NCOR2: variants seen among roughly 807,000 people sequenced by gnomAD.
NCOR2 encodes the protein nuclear receptor corepressor 2, also known as CTG repeat protein 26.
A neutral mutation model predicts 262.9 loss-of-function variants in NCOR2; 81 were observed. The ratio of observed to expected loss-of-function variants is 0.31; its 90% CI spans 0.26 to 0.37. NCOR2 has a LOEUF of 0.37. Among genes scored for constraint, NCOR2 ranks in the 10% least tolerant of loss-of-function variants. NCOR2 has a pLI of 1.00. For synonymous variants in NCOR2, 1,659 were observed against 1,559.3 expected (o/e 1.06, Z -1.51); for missense variants, 3,385 against 3,621.4 (o/e 0.93, Z 1.68).
At chr12:124,364,510 CCA>C (rs2038864756) in intron 20 of NCOR2, among the ~76,000 whole-genome samples, 1 of 152,212 alleles carries the variant, frequency 6.6e-6, no homozygotes, top group African/African-American at 2.4e-5. Flanking sequence ...TACTCATTAG[CCA>C]CAGTCGCAGT....
chr12:124,558,196 G>A (rs2051946467), intron 1 of NCOR2, among the ~76,000 whole-genome samples: 1 of 152,126 alleles, frequency 6.6e-6, no homozygotes, highest in Non-Finnish European at 1.5e-5. Flanking sequence ...CTGGGCCTCT[G>A]GGACTAACGA....
At chr12:124,364,534 T>C (rs539505866) in intron 20 of NCOR2, among the ~76,000 whole-genome samples, 1 of 152,364 alleles carries the variant, frequency 6.6e-6, no homozygotes, top group East Asian at 1.9e-4. Context: ...CCTTCCTCTG[T>C]CTGCTACTGA....
chr12:124,423,654 A>G (rs569256746), intron 11 of NCOR2, among the ~76,000 whole-genome samples: 3 of 152,200 alleles, frequency 2.0e-5, no homozygotes, highest in South Asian at 4.2e-4. Flanking sequence ...TCCTTGTCCC[A>G]GTGACATTTC....
chr12:124,371,923 G>T, intron 20 of NCOR2, 99 bp downstream of exon 22: 1 of 1,246,200 alleles, frequency 8.0e-7, no homozygotes, highest in East Asian at 2.6e-5. Flanking sequence ...CTCCCCCAAA[G>T]CAGGCAGAGC....
At chr12:124,464,144 ACTCC>A (rs1457554021) in intron 5 of NCOR2, among the ~76,000 whole-genome samples, 1 of 151,388 alleles carries the variant, frequency 6.6e-6, no homozygotes, top group Non-Finnish European at 1.5e-5. Context: ...CATCCTGAAA[ACTCC>A]TTTTCCTGAA....
rs113934091 is a variant in NCOR2, at chr12:124,486,269, G to A, written c.233+172C>T. 483 of 1,033,190 alleles carry A rather than the reference G, an allele frequency of 4.7e-4. No homozygotes were observed. In the African/African-American group the frequency reaches 5.1e-3, roughly 11 times the overall value. 64.0% of individuals were successfully genotyped at this position (1,033,190 alleles called of 1,614,324 possible). ...AGGGCCACGTGGCTCTTCCCTGCTC[G>A]TCCCATCCTCACCCCGAGTCACGCC... On this transcript the variant is annotated intron_variant, in intron 2 of 46. Transcript: ENST00000405201.
chr12:124,565,847 C>G (rs1438949118), intron 1 of NCOR2, among the ~76,000 whole-genome samples: 1 of 152,284 alleles, frequency 6.6e-6, no homozygotes, highest in Non-Finnish European at 1.5e-5. Flanking sequence ...GAGTCAAACC[C>G]CAGGAGCTGA....
At chr12:124,406,338 C>T (rs1431355943) in intron 13 of NCOR2, among the ~76,000 whole-genome samples, 2 of 152,216 alleles carry the variant, frequency 1.3e-5, no homozygotes, top group African/African-American at 4.8e-5. Flanking sequence ...GCACACACAT[C>T]CCCTGCCAAT....
At chr12:124,362,395 C>T (rs1365951263) in intron 21 of NCOR2, 98 bp from the exon 24 acceptor site, 13 of 1,143,574 alleles carry the variant, frequency 1.1e-5, no homozygotes, top group Middle Eastern at 4.7e-4. Context: ...AACCAAGGCC[C>T]GGGAAAGCCA....
chr12:124,403,619 T>C (rs2136209961), intron 13 of NCOR2, among the ~76,000 whole-genome samples: 1 of 152,302 alleles, frequency 6.6e-6, no homozygotes, highest in South Asian at 2.1e-4. Context: ...CAAAGCCTTT[T>C]AATGTGTACC....
At chr12:124,348,290 G>A (rs981026802) in exon 29 of NCOR2, 45 of 1,612,028 alleles carry the variant, frequency 2.8e-5, no homozygotes, top group Non-Finnish European at 3.5e-5. Context: ...GTCCTCCTTG[G>A]AGCACTGGGT....
At chr12:124,518,029 G>C (rs2049928277) in intron 1 of NCOR2, 1 of 151,494 alleles carries the variant, frequency 6.6e-6, no homozygotes, top group Non-Finnish European at 1.5e-5. Flanking sequence ...CCCCTGCATA[G>C]AGCCTGCAGG....
intron 23 of NCOR2, among the ~76,000 whole-genome samples, chr12:124,355,898 T>A (rs1182773720): frequency 6.6e-6 from 1 of 152,176 alleles, no homozygotes; most frequent in Non-Finnish European, 1.5e-5. Context: ...AAGGACCTTT[T>A]TGGAAAAGTC....
intron 13 of NCOR2, 90 bp from the exon 16 acceptor site, chr12:124,402,651 G>C (rs1208784491): frequency 7.2e-6 from 11 of 1,531,196 alleles, no homozygotes; most frequent in South Asian, 4.8e-5. Flanking sequence ...AGCCTGAGCT[G>C]GGGGAGGAGG....
chr12:124,448,441 A>G (rs1050875579), intron 7 of NCOR2, among the ~76,000 whole-genome samples: 5 of 152,218 alleles, frequency 3.3e-5, no homozygotes, highest in Admixed American at 1.3e-4. Context: ...TGCATCTGAC[A>G]TGGGCCTTCT....
chr12:124,517,356 C>T lies in NCOR2; in HGVS notation c.-118+18209G>A, dbSNP rs943234706. ...ACCTCAGGACAAATCACTCCCTCAT[C>T]CCCCCGGTTTGCAACTAAAGGCTCC... On this transcript the variant is annotated intron_variant, in intron 1 of 46. Transcript: ENST00000404621. The surrounding 1 kb of genome is among the most constrained non-coding windows in gnomAD (Gnocchi z 7.6). Among the ~76,000 whole-genome samples, 22 of 152,200 alleles carry T rather than the reference C, an allele frequency of 1.4e-4. No homozygotes were observed. The highest frequency in any genetic ancestry group is 5.3e-4 in the African/African-American group (22 of 41,454).
In NCOR2 at chr12:124,502,199, C is replaced by T. The variant is rs552150299; in HGVS notation, c.-117-6831G>A. Among the ~76,000 whole-genome samples, 13 of 152,276 alleles carry T rather than the reference C, an allele frequency of 8.5e-5. No individual in the cohort carries two copies. In the South Asian group the frequency reaches 2.5e-3, roughly 29 times the overall value. ...CTCGCCCAGCCCAGTCCAGAGGGGC[C>T]CCCACAGCCAATGAGGAAGGGGGTG... On this transcript the variant is annotated intron_variant, in intron 1 of 46. Transcript: ENST00000404621.
intron 34 of NCOR2, 62 bp downstream of exon 36, chr12:124,341,761 C>A (rs2036481466): frequency 6.5e-7 from 1 of 1,545,518 alleles, no homozygotes; most frequent in South Asian, 1.2e-5. Context: ...GCCACAGGGG[C>A]ACGCCCATGT....
intron 1 of NCOR2, among the ~76,000 whole-genome samples, chr12:124,534,797 C>A (rs930333245): frequency 6.6e-6 from 1 of 152,182 alleles, no homozygotes; most frequent in Non-Finnish European, 1.5e-5. Flanking sequence ...CCAACCTGTG[C>A]CTCAGTTTCC....
Sources: allele counts gnomAD v4.1 joint callset (sites outside exome capture counted in the v4.1 genomes callset), GRCh38; gene constraint gnomAD v4.1.1; non-coding constraint Gnocchi (gnomAD v3.1); transcripts MANE v1.5; gene names NCBI Gene and HGNC (gene_info 2026-07-23, HGNC 2026-07-21).